WDFY3: variants seen among roughly 807,000 people sequenced by gnomAD.
WDFY3 encodes the protein WD repeat and FYVE domain containing 3, also known as WD repeat and FYVE domain-containing protein 3.
Under a neutral mutation model 409.6 loss-of-function variants are expected in WDFY3, and 66 were observed. That is an observed-to-expected ratio of 0.16 (90% CI 0.13 to 0.20). WDFY3 has a LOEUF of 0.20. Among genes scored for constraint, WDFY3 ranks in the 10% least tolerant of loss-of-function variants. The probability of loss-of-function intolerance (pLI) is 1.00; values close to 1 mark genes in which losing one functional copy is unlikely to be tolerated. For synonymous variants in WDFY3, 1,521 were observed against 1,537.1 expected (o/e 0.99, Z 0.25); for missense variants, 3,031 against 4,298.1 (o/e 0.71, Z 8.24).
At chr4:84,763,025 T>C (rs1742964050) in intron 32 of WDFY3, among the ~76,000 whole-genome samples, 1 of 151,930 alleles carries the variant, frequency 6.6e-6, no homozygotes, top group African/African-American at 2.4e-5. Flanking sequence ...AATAGGAAAA[T>C]AGATTTTGAT....
At chr4:84,754,021 C>T (rs1447075604) in intron 34 of WDFY3, 145 bp from the exon 35 acceptor site, 2 of 806,164 alleles carry the variant, frequency 2.5e-6, no homozygotes, top group Non-Finnish European at 3.4e-6. Context: ...TGAGCAAACA[C>T]ACATGTATAC....
intron 32 of WDFY3, among the ~76,000 whole-genome samples, chr4:84,762,623 A>T (rs1007499579): frequency 1.3e-5 from 2 of 152,154 alleles, no homozygotes; most frequent in African/African-American, 4.8e-5. Flanking sequence ...TAATAAAAAA[A>T]AAAGTCACAA....
chr4:84,698,170 G>A (rs1404328086), intron 56 of WDFY3, among the ~76,000 whole-genome samples: 5 of 151,800 alleles, frequency 3.3e-5, no homozygotes, highest in African/African-American at 9.7e-5. Context: ...TACAATCCTT[G>A]AATACTTATT....
At chr4:84,905,394 C>T (rs1240187695) in intron 2 of WDFY3, among the ~76,000 whole-genome samples, 1 of 152,102 alleles carries the variant, frequency 6.6e-6, no homozygotes, top group East Asian at 1.9e-4. Context: ...CCTCCAGTCT[C>T]ATTTAAGAAT....
intron 44 of WDFY3, among the ~76,000 whole-genome samples, chr4:84,731,869 A>G (rs1736664657): frequency 6.6e-6 from 1 of 152,236 alleles, no homozygotes; most frequent in African/African-American, 2.4e-5. Flanking sequence ...AGCTGGTCAT[A>G]TATTTGGGAG....
At chr4:84,889,199 A>AT (rs1764619340) in intron 3 of WDFY3, among the ~76,000 whole-genome samples, 1 of 152,156 alleles carries the variant, frequency 6.6e-6, no homozygotes, top group Admixed American at 6.5e-5. Context: ...CTAAGAGCAA[A>AT]TTTTTATTCC....
At chr4:84,769,328 C>T (rs188488035) in intron 30 of WDFY3, among the ~76,000 whole-genome samples, 22 of 152,292 alleles carry the variant, frequency 1.4e-4, no homozygotes, top group Middle Eastern at 3.4e-3. Flanking sequence ...TGCCATCAAA[C>T]AGTATCGCAT....
At chr4:84,796,871 G>T in intron 18 of WDFY3, 119 bp from the exon 19 acceptor site, 1 of 756,256 alleles carries the variant, frequency 1.3e-6, no homozygotes. Flanking sequence ...TTTTTTAAGT[G>T]CCAAGATCAT....
At chr4:84,776,125 G>C (rs959249667) in intron 27 of WDFY3, among the ~76,000 whole-genome samples, 6 of 151,998 alleles carry the variant, frequency 3.9e-5, no homozygotes, top group Non-Finnish European at 5.9e-5. Flanking sequence ...CTATCGTAGG[G>C]ATTATAAACA....
intron 64 of WDFY3, among the ~76,000 whole-genome samples, chr4:84,682,064 C>T (rs932929914): frequency 6.6e-5 from 10 of 152,292 alleles, no homozygotes; most frequent in East Asian, 1.9e-4. Context: ...TACAACAGCA[C>T]GCCCTCTAGG....
At chr4:84,712,357 C>A (rs903464041) in intron 51 of WDFY3, among the ~76,000 whole-genome samples, 1 of 118,616 alleles carries the variant, frequency 8.4e-6, no homozygotes, top group Non-Finnish European at 1.7e-5. Flanking sequence ...AGGAAACTGT[C>A]TCAAAAGAAA....
chr4:84,848,280 G>A (rs1034794866), intron 5 of WDFY3, among the ~76,000 whole-genome samples: 3 of 150,166 alleles, frequency 2.0e-5, no homozygotes, highest in Admixed American at 6.6e-5. Context: ...GGTCACAGAG[G>A]AAAAAAAAAT....
In WDFY3 at chr4:84,966,584, A is replaced by C. The variant is rs1775793759; in HGVS notation, c.-601T>G. 1.3e-5 allele frequency among the ~76,000 whole-genome samples: 2 copies of C among 151,934 alleles called. No homozygotes were observed. Among genetic ancestry groups the C allele is most frequent in the South Asian group, 4.1e-4 (2 of 4,826 alleles). Reference sequence around the variant, plus strand: ...CTCCATCAAGGCCGGGCCGACCCGCAGGGACCATCCCGGAAAGTGAGGGGT... The same window carrying C: ...CTCCATCAAGGCCGGGCCGACCCGCCGGGACCATCCCGGAAAGTGAGGGGT... On this transcript the variant is annotated 5_prime_UTR_variant, in exon 1 of 68. Coordinates refer to ENST00000295888, the MANE Select transcript of WDFY3 (RefSeq NM_014991.6).
At chr4:84,868,016 A>G (rs1385500062) in intron 3 of WDFY3, among the ~76,000 whole-genome samples, 1 of 151,690 alleles carries the variant, frequency 6.6e-6, no homozygotes, top group African/African-American at 2.4e-5. Context: ...TAAAAATACA[A>G]AAATTAGCCG....
intron 1 of WDFY3, among the ~76,000 whole-genome samples, chr4:84,939,681 C>T (rs1470551181): frequency 6.6e-6 from 1 of 151,690 alleles, no homozygotes; most frequent in Non-Finnish European, 1.5e-5. Flanking sequence ...TCAAATTTGG[C>T]TAGCAGGAAT....
At chr4:84,726,171 G>C (rs970375222) in intron 45 of WDFY3, among the ~76,000 whole-genome samples, 1 of 152,030 alleles carries the variant, frequency 6.6e-6, no homozygotes, top group Admixed American at 6.6e-5. Flanking sequence ...TTAGTGATGG[G>C]CAAGACAATG....
In WDFY3 at chr4:84,774,861, G is replaced by A; in HGVS notation, c.4713C>T (p.Ser1571=). The A allele has an allele frequency of 1.2e-6, 2 of 1,613,906 alleles. No homozygotes were observed. Among genetic ancestry groups the A allele is most frequent in the Non-Finnish European group, 1.7e-6 (2 of 1,179,914 alleles). Residue 1571 remains serine (S), a synonymous_variant, in exon 29 of 68, where the codon AGC becomes AGT. Coordinates refer to ENST00000295888, the MANE Select transcript of WDFY3 (RefSeq NM_014991.6). ...PTIAAISNVL[S]FLLQGFPSSN... Reference sequence around the variant, plus strand: ...TGCTAGGAAAACCTTGCAGTAAGAAGCTCAGGACATTACTAATAGCAGCAA... The same window carrying A: ...TGCTAGGAAAACCTTGCAGTAAGAAACTCAGGACATTACTAATAGCAGCAA...
chr4:84,945,701 C>T (rs1157895341), intron 1 of WDFY3, among the ~76,000 whole-genome samples: 1 of 152,142 alleles, frequency 6.6e-6, no homozygotes, highest in Admixed American at 6.5e-5. Flanking sequence ...GTCTCCCATC[C>T]TCCCATCTCC....
intron 41 of WDFY3, 60 bp downstream of exon 41, chr4:84,737,124 A>G (rs549789905): frequency 6.4e-7 from 1 of 1,565,342 alleles, no homozygotes; most frequent in African/African-American, 1.4e-5. Flanking sequence ...TATTTAAAGT[A>G]TACCCATATA....
Sources: gnomAD v4.1 joint callset for allele counts (sites outside exome capture counted in the v4.1 genomes callset) on GRCh38, gnomAD v4.1.1 for gene constraint, MANE v1.5 for transcripts, NCBI Gene and HGNC (gene_info 2026-07-23, HGNC 2026-07-21) for gene names.